NECTIN3: variants seen among roughly 807,000 people sequenced by gnomAD.
NECTIN3 encodes the protein nectin cell adhesion molecule 3.
Under a neutral mutation model 49.4 loss-of-function variants are expected in NECTIN3, and 8 were observed. The observed-to-expected ratio is 0.16, with a 90% confidence interval of 0.10 to 0.29. The LOEUF (loss-of-function observed/expected upper bound fraction) is 0.29. NECTIN3 is among the 10% of genes least tolerant of loss of function. The pLI, the probability that NECTIN3 is intolerant of heterozygous loss-of-function variation, is 1.00. For synonymous variants in NECTIN3, 277 were observed against 241.1 expected (o/e 1.15, Z -1.38); for missense variants, 581 against 654.6 (o/e 0.89, Z 1.23).
chr3:111,141,218 T>C (rs2034736311), downstream of NECTIN3, among the ~76,000 whole-genome samples: 1 of 152,002 alleles, frequency 6.6e-6, no homozygotes, highest in South Asian at 2.1e-4. Flanking sequence ...CTATTACAAA[T>C]GAAGAATGGG....
At chr3:111,117,469 A>C (rs1362538367) in intron 2 of NECTIN3, among the ~76,000 whole-genome samples, 1 of 152,078 alleles carries the variant, frequency 6.6e-6, no homozygotes, top group Non-Finnish European at 1.5e-5. Context: ...TGGTGGTTAT[A>C]TGGATGTTTG....
At chr3:111,157,833 A>C in intron 7 of NECTIN3, among the ~76,000 whole-genome samples, 1 of 152,038 alleles carries the variant, frequency 6.6e-6, no homozygotes, top group East Asian at 1.9e-4. Flanking sequence ...GAAAAGTAAC[A>C]TTGGTATTAC....
At chr3:111,190,094 A>T (rs1181676409), upstream of NECTIN3, among the ~76,000 whole-genome samples, 3 of 152,224 alleles carry the variant, frequency 2.0e-5, no homozygotes, top group Non-Finnish European at 4.4e-5. Flanking sequence ...ACAGAAATTA[A>T]CAGTGAAATT....
chr3:111,117,619 T>C (rs1200421080), intron 2 of NECTIN3, among the ~76,000 whole-genome samples: 1 of 151,438 alleles, frequency 6.6e-6, no homozygotes, highest in African/African-American at 2.4e-5. Flanking sequence ...GGTTTCAAAG[T>C]AAAATATGAA....
intron 5 of NECTIN3, among the ~76,000 whole-genome samples, chr3:111,143,498 TCTAAA>T (rs1400779296): frequency 4.6e-5 from 7 of 151,920 alleles, no homozygotes; most frequent in South Asian, 2.1e-4. Context: ...TTTTTGGCAA[TCTAAA>T]CTATGTTACC....
At chr3:111,180,269 C>A (rs1576183761) in intron 7 of NECTIN3, among the ~76,000 whole-genome samples, 1 of 152,286 alleles carries the variant, frequency 6.6e-6, no homozygotes, top group African/African-American at 2.4e-5. Context: ...TAAATTACTA[C>A]CTGTCATAAA....
intron 5 of NECTIN3, among the ~76,000 whole-genome samples, chr3:111,144,167 T>C (rs2034817505): frequency 6.6e-6 from 1 of 152,064 alleles, no homozygotes. Flanking sequence ...TGTGAAATGC[T>C]AACAGCCAAA....
chr3:111,171,318 C>G (rs765893697), intron 7 of NECTIN3, among the ~76,000 whole-genome samples: 7 of 152,186 alleles, frequency 4.6e-5, no homozygotes, highest in East Asian at 1.9e-4. Flanking sequence ...TGTCCCAGCT[C>G]CATCATGAGT....
intron 4 of NECTIN3, among the ~76,000 whole-genome samples, chr3:111,124,791 T>C (rs1391801854): frequency 6.6e-6 from 1 of 152,150 alleles, no homozygotes; most frequent in Non-Finnish European, 1.5e-5. Flanking sequence ...TTGTTCTTAT[T>C]CCCTGTGTAA....
Position 111,172,259 on chromosome 3 carries a change from G to A in NECTIN3, c.1222-20092G>A, listed in dbSNP as rs765874791. Reference sequence around the variant, plus strand: ...TACTTCCAGCTCCACATACACTCACGCATGTGCACACAAGCATACCCACAC... The same window carrying A: ...TACTTCCAGCTCCACATACACTCACACATGTGCACACAAGCATACCCACAC... On this transcript the variant is annotated intron_variant, in intron 7 of 8. Transcript: ENST00000493615. 3.3e-5 allele frequency among the ~76,000 whole-genome samples: 5 copies of A among 152,172 alleles called. No homozygotes were observed. In the East Asian group the frequency reaches 5.8e-4, roughly 18 times the overall value.
In NECTIN3 at chr3:111,135,851, AG is replaced by A. The variant is rs941911486; in HGVS notation, c.*1637del. ...TAACTAGCACTATTTTGTGGAAATT[AG>A]AAACCTCTTTTATTTCTCTTCCCAA... On this transcript the variant is annotated 3_prime_UTR_variant, in exon 6 of 6. Coordinates refer to ENST00000485303, the MANE Select transcript of NECTIN3 (RefSeq NM_015480.3). The A allele has an allele frequency of 1.1e-5, 10 of 927,318 alleles. No individual in the cohort carries two copies. Among genetic ancestry groups the A allele is most frequent in the Middle Eastern group, 5.4e-4 (1 of 1,838 alleles). 57.4% of individuals were successfully genotyped at this position (927,318 alleles called of 1,614,324 possible).
At position 111,135,137 on chromosome 3, in the gene NECTIN3, C is replaced by T; in HGVS notation, c.*922C>T. On this transcript the variant is annotated 3_prime_UTR_variant, in exon 6 of 6. Transcript: ENST00000485303. ...AGAAATGAGACTTTCAGCCAACAAT[C>T]TATAGAAAGAATTTTATGGACCATC... 1 of 981,326 alleles carries T rather than the reference C, an allele frequency of 1.0e-6. No homozygotes were observed. The highest frequency in any genetic ancestry group is 1.2e-6 in the Non-Finnish European group (1 of 826,380). 60.8% of individuals were successfully genotyped at this position (981,326 alleles called of 1,614,324 possible). A position where few individuals can be genotyped will look rare whatever the true frequency, so the allele number is the denominator to read the frequency against.
chr3:111,081,702 C>A (rs2031616857), intron 1 of NECTIN3, among the ~76,000 whole-genome samples: 2 of 152,074 alleles, frequency 1.3e-5, no homozygotes, highest in South Asian at 4.2e-4. Context: ...CTAGCTGAAT[C>A]TTGAAGGAAT....
intron 1 of NECTIN3, among the ~76,000 whole-genome samples, chr3:111,096,188 G>A (rs2032574585): frequency 6.6e-6 from 1 of 152,168 alleles, no homozygotes; most frequent in South Asian, 2.1e-4. Context: ...GGAAACTGGA[G>A]CAAAGGTGAC....
intron 1 of NECTIN3, among the ~76,000 whole-genome samples, chr3:111,106,718 A>G (rs2033196913): frequency 6.6e-6 from 1 of 152,184 alleles, no homozygotes; most frequent in Non-Finnish European, 1.5e-5. Flanking sequence ...TTGTTAATGT[A>G]TATTTTATTA....
chr3:111,137,410 G>A lies in NECTIN3; in HGVS notation c.*3195G>A, dbSNP rs1009630936. ...TGTTTGGGTTTTAGTTTGTACCCGC[G>A]CTAAGTTTTGGTTTTGTTGTGTTTG... is the stretch of plus-strand genomic sequence containing the variant. On this transcript the variant is annotated 3_prime_UTR_variant, in exon 6 of 6. Coordinates refer to ENST00000485303, the MANE Select transcript of NECTIN3 (RefSeq NM_015480.3). 17 of 946,558 alleles carry A rather than the reference G, an allele frequency of 1.8e-5. No homozygotes were observed. The highest frequency in any genetic ancestry group is 1.2e-4 in the Admixed American group (2 of 16,054). The allele number at this position is 946,558 out of a possible 1,614,324, so 58.6% of individuals were successfully genotyped here.
intron 7 of NECTIN3, among the ~76,000 whole-genome samples, chr3:111,157,305 C>A: frequency 6.6e-6 from 1 of 152,084 alleles, no homozygotes; most frequent in Non-Finnish European, 1.5e-5. Flanking sequence ...ACATATGTTA[C>A]ACATTCATAT....
chr3:111,150,990 T>TA (rs1258553763), intron 7 of NECTIN3, among the ~76,000 whole-genome samples: 1 of 151,902 alleles, frequency 6.6e-6, no homozygotes, highest in African/African-American at 2.4e-5. Flanking sequence ...TAAAAGATCA[T>TA]AAAGGGGTCG....
chr3:111,118,248 CTATATATATATATATATATATATA>C (rs34878535), intron 2 of NECTIN3, among the ~76,000 whole-genome samples: 2 of 78,002 alleles, frequency 2.6e-5, no homozygotes, highest in Non-Finnish European at 5.2e-5. Context: ...TAAAATGAAG[CTATATATATATATATATATATATA>C]TATATATATA....
Sources: gnomAD v4.1 joint callset for allele counts (sites outside exome capture counted in the v4.1 genomes callset) on GRCh38, gnomAD v4.1.1 for gene constraint, MANE v1.5 for transcripts, NCBI Gene and HGNC (gene_info 2026-07-23, HGNC 2026-07-21) for gene names.